Variants in VIT observed in about 807,000 individuals in gnomAD.
VIT encodes the protein vitrin.
In VIT, 99 loss-of-function variants were observed where a neutral mutation model predicts 78.0. The ratio of observed to expected loss-of-function variants is 1.27; its 90% CI spans 1.08 to 1.50. The LOEUF (loss-of-function observed/expected upper bound fraction) is 1.50. Ranked by LOEUF, VIT falls within the 40% of genes most tolerant of loss-of-function variation. The probability of loss-of-function intolerance (pLI) is 0.00; values close to 1 mark genes in which losing one functional copy is unlikely to be tolerated. For missense variants in VIT, 1,126 were observed against 875.3 expected (o/e 1.29, Z -3.61); for synonymous variants, 374 against 334.3 (o/e 1.12, Z -1.29).
intron 3 of VIT, among the ~76,000 whole-genome samples, chr2:36,738,899 G>A (rs184658345): frequency 1.2e-4 from 19 of 152,274 alleles, no homozygotes; most frequent in African/African-American, 3.9e-4. Flanking sequence ...GATTCAATGT[G>A]ATCAAAGATT....
intron 6 of VIT, 126 bp downstream of exon 6, chr2:36,759,172 C>T (rs536452699): frequency 1.3e-6 from 2 of 1,591,690 alleles, no homozygotes; most frequent in Non-Finnish European, 1.7e-6. Context: ...AATATTTTAA[C>T]AGATGCCAGG....
intron 6 of VIT, among the ~76,000 whole-genome samples, chr2:36,763,007 A>G (rs578028125): frequency 2.7e-5 from 4 of 147,854 alleles, no homozygotes; most frequent in African/African-American, 9.7e-5. Context: ...GCTTTGTAGA[A>G]GTTTTTTTAA....
intron 1 of VIT, among the ~76,000 whole-genome samples, chr2:36,699,516 TTA>T (rs1553357624): frequency 6.7e-6 from 1 of 148,954 alleles, no homozygotes; most frequent in African/African-American, 2.5e-5. Flanking sequence ...TTAGAGGGGG[TTA>T]TATATATATA....
chr2:36,723,493 T>C (rs77345911), intron 2 of VIT, among the ~76,000 whole-genome samples: 3,751 of 152,332 alleles, frequency 0.025, 166 homozygotes, highest in African/African-American at 0.086. Flanking sequence ...GTTCCATATT[T>C]ACTAGCATGA....
At position 36,813,413 on chromosome 2, in the gene VIT, C is replaced by T. The variant is rs116105024; in HGVS notation, c.1904-770C>T. Among the ~76,000 whole-genome samples the T allele has an allele frequency of 4.8e-3, 733 of 152,256 alleles. 5 individuals are homozygous for T. The highest frequency in any genetic ancestry group is 0.017 in the African/African-American group (707 of 41,572). ...GCAGTGAGTGGAGGTCACACCATTGCACTCTAGTCTGGGTGACAGAGTGAG... is the reference window on the plus strand; with the variant it reads ...GCAGTGAGTGGAGGTCACACCATTGTACTCTAGTCTGGGTGACAGAGTGAG... On this transcript the variant is annotated intron_variant, in intron 15 of 15. Coordinates refer to ENST00000379242, the MANE Select transcript of VIT (RefSeq NM_053276.4).
At chr2:36,708,359 A>G (rs1384182251) in intron 1 of VIT, among the ~76,000 whole-genome samples, 1 of 152,190 alleles carries the variant, frequency 6.6e-6, no homozygotes, top group Non-Finnish European at 1.5e-5. Flanking sequence ...TCATGGACAA[A>G]GAGTATGGTT....
intron 2 of VIT, among the ~76,000 whole-genome samples, 174 bp from the exon 3 acceptor site, chr2:36,729,252 T>C (rs1667047171): frequency 6.6e-6 from 1 of 152,180 alleles, no homozygotes; most frequent in African/African-American, 2.4e-5. Flanking sequence ...AAATCACCTG[T>C]TGACACATTT....
rs983879074 is a variant in VIT at position 36,755,935 on chromosome 2, G to C, written c.409+881G>C. On this transcript the variant is annotated intron_variant, in intron 5 of 15. Transcript: ENST00000379242. ...TCAAGCTTTTGACATGTTCACGGTA[G>C]TGCTTGAGGACAACACAGTATTTTT... is the stretch of plus-strand genomic sequence containing the variant. Among the ~76,000 whole-genome samples the C allele has an allele frequency of 2.0e-5, 3 of 148,394 alleles. No individual in the cohort carries two copies. In the South Asian group the frequency reaches 6.4e-4, roughly 32 times the overall value.
rs1665154743 is a variant in VIT at position 36,787,141 on chromosome 2, A to T, written c.923A>T (p.Asp308Val). 1 of 1,614,014 alleles carries T rather than the reference A, an allele frequency of 6.2e-7. No homozygotes were observed. Residue 308 changes from aspartate (D) to valine (V), a missense_variant, in exon 12 of 16, where the codon GAC (aspartate) becomes GTC (valine). Transcript: ENST00000379242. ...TTCCGTTCCGCAGACTGCAAAATTG[A>T]CTTGTCGTTTTTAATTGATGGGAGC... is the stretch of plus-strand genomic sequence containing the variant. ...VSLGDPNCKI[D>V]LSFLIDGSTS...
chr2:36,749,575 T>G (rs570736789), intron 4 of VIT, among the ~76,000 whole-genome samples: 4 of 152,218 alleles, frequency 2.6e-5, no homozygotes, highest in Admixed American at 6.5e-5. Context: ...CTACTACTCT[T>G]ATGCACATCT....
chr2:36,786,478 A>G (rs1413995336), intron 11 of VIT, among the ~76,000 whole-genome samples: 2 of 152,182 alleles, frequency 1.3e-5, no homozygotes, highest in African/African-American at 4.8e-5. Context: ...ATCCACAGAG[A>G]TCCAGAGATC....
chr2:36,778,036 A>C (rs1670175981), intron 9 of VIT, among the ~76,000 whole-genome samples: 1 of 151,880 alleles, frequency 6.6e-6, no homozygotes, highest in Non-Finnish European at 1.5e-5. Flanking sequence ...ACTCTCTCCC[A>C]CTATGCCTTC....
intron 4 of VIT, among the ~76,000 whole-genome samples, chr2:36,752,539 A>G (rs903023406): frequency 6.6e-6 from 1 of 152,210 alleles, no homozygotes; most frequent in Non-Finnish European, 1.5e-5. Context: ...AATATCTATG[A>G]AGTGCCTACA....
chr2:36,756,150 G>C (rs914690896), intron 5 of VIT, among the ~76,000 whole-genome samples: 32 of 152,036 alleles, frequency 2.1e-4, no homozygotes, highest in African/African-American at 7.5e-4. Flanking sequence ...TGCAGACGGG[G>C]TTTCTCCGTG....
intron 8 of VIT, among the ~76,000 whole-genome samples, chr2:36,774,258 C>CT (rs202045170): frequency 0.092 from 13,957 of 152,144 alleles, 707 homozygotes; most frequent in Non-Finnish European, 0.11. Flanking sequence ...CCACGGGGGA[C>CT]AGAAACACAT....
rs780838636 is a variant in VIT, at chr2:36,801,395, TC to T, written c.1154del (p.Ser385LeufsTer3). ...GAAAATTACTCAGAGAGGAGGACTTTCTAATGTAGGTATGTGATCCGGATTC... is the reference window on the plus strand; with the variant it reads ...GAAAATTACTCAGAGAGGAGGACTTTTAATGTAGGTATGTGATCCGGATTC... ...IEKITQRGGL[S>X]NVGRAISFVT... is the part of the protein sequence containing the mutation. On this transcript the variant is annotated frameshift_variant, in exon 13 of 16. Transcript: ENST00000379242. LOFTEE classifies it high-confidence loss of function. The T allele has an allele frequency of 6.2e-7, 1 of 1,610,928 alleles. No homozygotes were observed. The highest frequency in any genetic ancestry group is 8.5e-7 in the Non-Finnish European group (1 of 1,177,362).
chr2:36,716,700 A>T (rs1157269030), intron 2 of VIT, among the ~76,000 whole-genome samples: 2 of 152,128 alleles, frequency 1.3e-5, no homozygotes, highest in African/African-American at 4.8e-5. Context: ...ACACACACCT[A>T]GCTTGTGTAT....
rs368760089 is a variant in VIT at position 36,760,222 on chromosome 2, T to C, written c.487+1176T>C. On this transcript the variant is annotated intron_variant, in intron 6 of 15. Coordinates refer to ENST00000379242, the MANE Select transcript of VIT (RefSeq NM_053276.4). ...GTTGGCCAGGATGGTCTCGATCTCT[T>C]GACCTCATGATCCTCCCGCCTCGGC... Among the ~76,000 whole-genome samples, 100 of 152,258 alleles carry C rather than the reference T, an allele frequency of 6.6e-4. 1 individual carries two copies. Among genetic ancestry groups the C allele is most frequent in the African/African-American group, 2.3e-3 (95 of 41,548 alleles).
At chr2:36,749,124 A>C (rs1450637567) in intron 4 of VIT, among the ~76,000 whole-genome samples, 1 of 152,194 alleles carries the variant, frequency 6.6e-6, no homozygotes, top group Non-Finnish European at 1.5e-5. Flanking sequence ...GTACTCTTTC[A>C]TGTTCATGAA....
Sources: gnomAD v4.1 joint callset for allele counts (sites outside exome capture counted in the v4.1 genomes callset) on GRCh38, gnomAD v4.1.1 for gene constraint, MANE v1.5 for transcripts, NCBI Gene and HGNC (gene_info 2026-07-23, HGNC 2026-07-21) for gene names.